The following IRAG1 variants were observed in gnomAD, a reference collection of about 807,000 sequenced individuals.
IRAG1 encodes IP3R-associated cGMP kinase substrate.
In IRAG1, 62 loss-of-function variants were observed where a neutral mutation model predicts 106.2. The ratio of observed to expected loss-of-function variants is 0.58; its 90% CI spans 0.48 to 0.72. The LOEUF is 0.72. Among genes scored for constraint, IRAG1 ranks in the 30% least tolerant of loss-of-function variants. The pLI, the probability that IRAG1 is intolerant of heterozygous loss-of-function variation, is 0.00. For synonymous variants in IRAG1, 462 were observed against 443.9 expected, an observed-to-expected ratio of 1.04 and a Z score of -0.51; for missense variants, 1,064 against 1,140.7, an observed-to-expected ratio of 0.93 and a Z score of 0.97.
intron 1 of IRAG1, among the ~76,000 whole-genome samples, chr11:10,684,395 GGAATTGAACAATGA>G (rs1861499168): frequency 6.6e-6 from 1 of 151,884 alleles, no homozygotes; most frequent in Non-Finnish European, 1.5e-5. Context: ...CTCATAGATG[GGAATTGAACAATGA>G]GAACACATGG....
chr11:10,590,776 C>T (rs1852554567), intron 18 of IRAG1, among the ~76,000 whole-genome samples: 3 of 152,220 alleles, frequency 2.0e-5, no homozygotes, highest in Admixed American at 6.5e-5. Flanking sequence ...TAGAAAATCA[C>T]AGAAACTGCT....
Position 10,688,415 on chromosome 11 carries a change from A to G in IRAG1, c.67+5121T>C, listed in dbSNP as rs1337222656. ...TATGAGCAAAGTCAAGAATGTCTTC[A>G]GGCTTTCTTCTCCTCCTGATGAGCC... On this transcript the variant is annotated intron_variant, in intron 1 of 20. Transcript: ENST00000423302. Among the ~76,000 whole-genome samples the G allele has an allele frequency of 2.0e-5, 3 of 152,178 alleles. No homozygotes were observed. The South Asian group carries it at 6.2e-4, about 31-fold the overall frequency.
chr11:10,650,219 T>C (rs867226866), intron 2 of IRAG1, among the ~76,000 whole-genome samples: 1 of 152,196 alleles, frequency 6.6e-6, no homozygotes, highest in Non-Finnish European at 1.5e-5. Context: ...GGTGGGGAGA[T>C]GCCCTTCCCT....
intron 2 of IRAG1, among the ~76,000 whole-genome samples, chr11:10,644,750 T>G (rs902851242): frequency 2.0e-5 from 3 of 152,234 alleles, no homozygotes; most frequent in Non-Finnish European, 2.9e-5. Context: ...ATCTGGTTCC[T>G]CTTCATCTCA....
At chr11:10,636,206 T>C (rs550397825) in intron 2 of IRAG1, among the ~76,000 whole-genome samples, 1 of 152,336 alleles carries the variant, frequency 6.6e-6, no homozygotes, top group Non-Finnish European at 1.5e-5. Flanking sequence ...TTTATTTATT[T>C]AATTTATTTA....
At chr11:10,663,113 T>C (rs1438884914) in intron 1 of IRAG1, among the ~76,000 whole-genome samples, 1 of 152,168 alleles carries the variant, frequency 6.6e-6, no homozygotes, top group African/African-American at 2.4e-5. Flanking sequence ...TCAAGGGCCA[T>C]CTAGACCACC....
intron 2 of IRAG1, among the ~76,000 whole-genome samples, chr11:10,646,349 A>C (rs1461883051): frequency 6.6e-6 from 1 of 152,192 alleles, no homozygotes; most frequent in South Asian, 2.1e-4. Context: ...CATATCTACT[A>C]TCCTCCCTTC....
chr11:10,662,671 C>T (rs530912572), intron 1 of IRAG1, among the ~76,000 whole-genome samples: 3 of 152,376 alleles, frequency 2.0e-5, no homozygotes, highest in Admixed American at 6.5e-5. Flanking sequence ...GCAGCACCCT[C>T]GTGTCTGCTG....
chr11:10,587,701 G>C (rs16908001), intron 18 of IRAG1, among the ~76,000 whole-genome samples: 35,097 of 151,964 alleles, frequency 0.23, 5,188 homozygotes, highest in African/African-American at 0.41. Flanking sequence ...TTTGCTGATC[G>C]CTCTGTGAAC....
Position 10,679,623 on chromosome 11 carries a change from T to C in IRAG1, c.67+13913A>G, listed in dbSNP as rs143571895. On this transcript the variant is annotated intron_variant, in intron 1 of 20. Transcript: ENST00000423302. Reference sequence around the variant, plus strand: ...AGGTTTGTGAGCTGACCTTGCTCACTGAGAGCTTTCCTTAGCAGTTCTGCA... The same window carrying C: ...AGGTTTGTGAGCTGACCTTGCTCACCGAGAGCTTTCCTTAGCAGTTCTGCA... 7.8e-3 allele frequency among the ~76,000 whole-genome samples: 1,193 copies of C among 152,358 alleles called. 9 individuals carry two copies. The highest frequency in any genetic ancestry group is 0.015 in the Admixed American group (223 of 15,306).
At chr11:10,582,177 C>T (rs1564888860) in intron 18 of IRAG1, among the ~76,000 whole-genome samples, 191 bp from the exon 19 acceptor site, 1 of 152,284 alleles carries the variant, frequency 6.6e-6, no homozygotes, top group East Asian at 1.9e-4. Context: ...TGAATTTTCC[C>T]CAGCCCATTA....
Position 10,668,101 on chromosome 11 carries a change from C to T in IRAG1, c.68-15919G>A, listed in dbSNP as rs202193404. On this transcript the variant is annotated intron_variant, in intron 1 of 20. Coordinates refer to ENST00000423302, the MANE Select transcript of IRAG1 (RefSeq NM_130385.4). Reference sequence around the variant, plus strand: ...CACTCCCTCTGCCTAGAAGGCCATCCCCCCATCTGTCTCCATGAAAGACCC... The same window carrying T: ...CACTCCCTCTGCCTAGAAGGCCATCTCCCCATCTGTCTCCATGAAAGACCC... Among the ~76,000 whole-genome samples, 763 of 152,298 alleles carry T rather than the reference C, an allele frequency of 5.0e-3. 10 individuals carry two copies. Among genetic ancestry groups the T allele is most frequent in the African/African-American group, 0.018 (748 of 41,550 alleles).
chr11:10,675,181 G>A (rs1189329891), intron 1 of IRAG1, among the ~76,000 whole-genome samples: 1 of 152,220 alleles, frequency 6.6e-6, no homozygotes, highest in Non-Finnish European at 1.5e-5. Context: ...ATAGTAGCCA[G>A]AGCATCTAAA....
intron 1 of IRAG1, among the ~76,000 whole-genome samples, chr11:10,684,206 C>A (rs1430565079): frequency 6.6e-6 from 1 of 152,094 alleles, no homozygotes; most frequent in African/African-American, 2.4e-5. Context: ...TGGAATCAAC[C>A]CAAATGTCCA....
intron 1 of IRAG1, among the ~76,000 whole-genome samples, chr11:10,673,435 GC>G (rs1860407654): frequency 6.6e-6 from 1 of 152,148 alleles, no homozygotes; most frequent in Non-Finnish European, 1.5e-5. Context: ...TATATAAAAT[GC>G]CCATAATAGA....
In IRAG1 at chr11:10,633,071, CTT is replaced by C. The variant is rs1856823173; in HGVS notation, c.329+895_329+896del. On this transcript the variant is annotated intron_variant, in intron 3 of 20. Coordinates refer to ENST00000423302, the MANE Select transcript of IRAG1 (RefSeq NM_130385.4). ...TATCTTTTTCCTTTTCTTTTTCTTT[CTT>C]TCTTTTTTTTTTTTTTTTTGAGACG... Among the ~76,000 whole-genome samples, 4 of 136,582 alleles carry C rather than the reference CTT, an allele frequency of 2.9e-5. No individual in the cohort carries two copies. The South Asian group carries it at 9.2e-4, about 31-fold the overall frequency. 89.6% of individuals were successfully genotyped at this position (136,582 alleles called of 152,430 possible). A position where few individuals can be genotyped will look rare whatever the true frequency, so the allele number is the denominator to read the frequency against.
intron 5 of IRAG1, 67 bp downstream of exon 5, chr11:10,629,471 T>C: frequency 6.5e-7 from 1 of 1,538,800 alleles, no homozygotes; most frequent in Non-Finnish European, 8.8e-7. Context: ...CTGCAGCTGG[T>C]GCCAGGCCCT....
Position 10,609,961 on chromosome 11 carries a change from G to A in IRAG1, c.1448-110C>T, listed in dbSNP as rs187371093. 3.5e-5 allele frequency: 37 copies of A among 1,057,458 alleles called. 1 individual carries two copies. In the Admixed American group the frequency reaches 6.1e-4, roughly 17 times the overall value. The allele number at this position is 1,057,458 out of a possible 1,614,324, so 65.5% of individuals were successfully genotyped here. A position where few individuals can be genotyped will look rare whatever the true frequency, so the allele number is the denominator to read the frequency against. ...TATAAGTATCTAGTTCTATGTTAAG[G>A]GCTTTTTAATTGTTATCTTACATTA... On this transcript the variant is annotated intron_variant, in intron 10 of 20. Coordinates refer to ENST00000423302, the MANE Select transcript of IRAG1 (RefSeq NM_130385.4).
intron 2 of IRAG1, among the ~76,000 whole-genome samples, chr11:10,642,807 G>C (rs1443335988): frequency 1.3e-5 from 2 of 152,222 alleles, no homozygotes; most frequent in East Asian, 1.9e-4. Flanking sequence ...AGGGCAAACA[G>C]GGACTGCCTT....
Sources: gnomAD v4.1 joint callset for allele counts (sites outside exome capture counted in the v4.1 genomes callset) on GRCh38, gnomAD v4.1.1 for gene constraint, MANE v1.5 for transcripts, NCBI Gene and HGNC (gene_info 2026-07-23, HGNC 2026-07-21) for gene names.